The following WWOX variants were observed in gnomAD, a reference collection of about 807,000 sequenced individuals.
The protein encoded by WWOX is WW domain-containing oxidoreductase.
A neutral mutation model predicts 46.2 loss-of-function variants in WWOX; 69 were observed. The ratio of observed to expected loss-of-function variants is 1.49; its 90% confidence interval spans 1.23 to 1.82. WWOX has a LOEUF of 1.82. WWOX is among the 40% of genes most tolerant of loss of function. WWOX has a pLI of 0.00. For synonymous variants in WWOX, 359 were observed against 202.6 expected, an observed-to-expected ratio of 1.77 and a Z score of -6.56; for missense variants, 919 against 542.6, an observed-to-expected ratio of 1.69 and a Z score of -6.89.
chr16:79,168,154 C>T (rs752434942), intron 8 of WWOX, among the ~76,000 whole-genome samples: 13 of 152,210 alleles, frequency 8.5e-5, no homozygotes, highest in Admixed American at 2.0e-4. Flanking sequence ...GGGTTGTTTC[C>T]GCCTTCTAGG....
At chr16:78,749,225 A>T (rs1191754991) in intron 8 of WWOX, among the ~76,000 whole-genome samples, 2 of 152,168 alleles carry the variant, frequency 1.3e-5, no homozygotes, top group East Asian at 3.9e-4. Context: ...CTACTGTTTA[A>T]CCACCTACAT....
intron 8 of WWOX, among the ~76,000 whole-genome samples, chr16:79,180,268 A>G (rs1020687777): frequency 1.3e-5 from 2 of 152,198 alleles, no homozygotes; most frequent in Admixed American, 6.5e-5. Context: ...ATACTTGTTT[A>G]TTACAGATAA....
chr16:78,463,477 T>A (rs2084001614), intron 8 of WWOX, among the ~76,000 whole-genome samples: 1 of 152,218 alleles, frequency 6.6e-6, no homozygotes, highest in Non-Finnish European at 1.5e-5. Flanking sequence ...TCCAGCATTG[T>A]CCAGTTGTGC....
At chr16:78,232,958 C>T (rs1328282672) in intron 5 of WWOX, among the ~76,000 whole-genome samples, 1 of 152,164 alleles carries the variant, frequency 6.6e-6, no homozygotes, top group Non-Finnish European at 1.5e-5. Context: ...TCTCCTGCCT[C>T]AGCCTCCCAA....
intron 8 of WWOX, among the ~76,000 whole-genome samples, chr16:78,574,362 G>T (rs1334292086): frequency 2.6e-5 from 4 of 152,216 alleles, no homozygotes; most frequent in African/African-American, 9.6e-5. Context: ...TGAATACCAG[G>T]TGGTAGGGAT....
chr16:78,858,161 T>TGTGTGTGTGC (rs1450269116), intron 8 of WWOX, among the ~76,000 whole-genome samples: 1 of 151,872 alleles, frequency 6.6e-6, no homozygotes, highest in African/African-American at 2.4e-5. Context: ...TGTGTGTGTG[T>TGTGTGTGTGC]GTGTGTGTGT....
intron 8 of WWOX, among the ~76,000 whole-genome samples, chr16:79,160,372 C>G (rs1047620403): frequency 1.3e-5 from 2 of 152,142 alleles, no homozygotes; most frequent in African/African-American, 4.8e-5. Context: ...AGTCCCGGCT[C>G]CACCTACTGT....
At chr16:78,805,629 G>T (rs889534370) in intron 8 of WWOX, among the ~76,000 whole-genome samples, 2 of 152,114 alleles carry the variant, frequency 1.3e-5, no homozygotes, top group African/African-American at 2.4e-5. Flanking sequence ...AGAAGAGTGG[G>T]ATCTACTTTG....
At chr16:78,701,700 C>A (rs1322599032) in intron 8 of WWOX, among the ~76,000 whole-genome samples, 1 of 152,020 alleles carries the variant, frequency 6.6e-6, no homozygotes, top group Non-Finnish European at 1.5e-5. Context: ...TGCAAAGGTG[C>A]CAGGCAGGCC....
intron 8 of WWOX, among the ~76,000 whole-genome samples, chr16:79,000,392 G>T (rs2047070223): frequency 6.6e-6 from 1 of 152,166 alleles, no homozygotes; most frequent in African/African-American, 2.4e-5. Flanking sequence ...ATGGAGTTAA[G>T]GTTGCTATTC....
At chr16:78,193,890 T>G (rs7404591) in intron 5 of WWOX, among the ~76,000 whole-genome samples, 1 of 151,554 alleles carries the variant, frequency 6.6e-6, no homozygotes, top group Non-Finnish European at 1.5e-5. Flanking sequence ...TTTATTTTTA[T>G]TTTTTGAGAC....
intron 4 of WWOX, among the ~76,000 whole-genome samples, chr16:78,151,789 T>G (rs913366767): frequency 6.6e-6 from 1 of 152,240 alleles, no homozygotes; most frequent in Non-Finnish European, 1.5e-5. Flanking sequence ...GAAGTTTTCC[T>G]GCCCCCAACC....
In WWOX at chr16:78,281,631, A is replaced by C. The variant is rs916961183; in HGVS notation, c.517-105229A>C. 1.3e-5 allele frequency among the ~76,000 whole-genome samples: 2 copies of C among 152,182 alleles called. 1 individual carries two copies. Among genetic ancestry groups the C allele is most frequent in the Admixed American group, 1.3e-4 (2 of 15,276 alleles). The stretch of plus-strand genomic sequence containing the variant: ...GCGAAAACAGGCATAAACGACATGT[A>C]AAGGAGCAGGCATGGCTGCGAGAAA... On this transcript the variant is annotated intron_variant, in intron 5 of 8. Coordinates refer to ENST00000566780, the MANE Select transcript of WWOX (RefSeq NM_016373.4).
chr16:78,672,812 T>G (rs889827714), intron 8 of WWOX, among the ~76,000 whole-genome samples: 2 of 152,238 alleles, frequency 1.3e-5, no homozygotes, highest in Admixed American at 1.3e-4. Context: ...ATAACAGCCA[T>G]CTGACTTGAT....
chr16:78,703,961 T>A (rs1233203693), intron 8 of WWOX, among the ~76,000 whole-genome samples: 2 of 152,122 alleles, frequency 1.3e-5, no homozygotes, highest in East Asian at 1.9e-4. Context: ...ATATTTATCA[T>A]TTTAACCATT....
chr16:78,128,037 C>T (rs2033431963), intron 4 of WWOX, among the ~76,000 whole-genome samples: 1 of 152,006 alleles, frequency 6.6e-6, no homozygotes, highest in Non-Finnish European at 1.5e-5. Flanking sequence ...TGAAGAAGTC[C>T]AATAGTGTAT....
chr16:78,506,230 A>G (rs1597181788), intron 8 of WWOX, among the ~76,000 whole-genome samples: 1 of 152,230 alleles, frequency 6.6e-6, no homozygotes, highest in South Asian at 2.1e-4. Flanking sequence ...CCCTGTGGAC[A>G]CACAGGCTGT....
chr16:78,783,573 G>T (rs76125291), intron 8 of WWOX, among the ~76,000 whole-genome samples: 20 of 152,334 alleles, frequency 1.3e-4, no homozygotes, highest in Non-Finnish European at 2.6e-4. Flanking sequence ...GAGACCTGAA[G>T]CCCTATGCCT....
intron 8 of WWOX, among the ~76,000 whole-genome samples, chr16:79,154,192 C>G (rs980034719): frequency 2.6e-5 from 4 of 152,308 alleles, no homozygotes; most frequent in East Asian, 3.9e-4. Flanking sequence ...CAGATCGACA[C>G]CCACTAAATC....
Sources: gnomAD v4.1 joint callset for allele counts (sites outside exome capture counted in the v4.1 genomes callset) on GRCh38, gnomAD v4.1.1 for gene constraint, MANE v1.5 for transcripts, NCBI Gene and HGNC (gene_info 2026-07-23, HGNC 2026-07-21) for gene names.